Variants in GAB3 observed in about 807,000 individuals in gnomAD.
The protein encoded by GAB3 is GRB2-associated-binding protein 3.
A neutral mutation model predicts 40.4 loss-of-function variants in GAB3; 12 were observed. The ratio of observed to expected loss-of-function variants is 0.30; its 90% confidence interval spans 0.19 to 0.48. GAB3 has a LOEUF of 0.48. Among genes scored for constraint, GAB3 ranks in the 20% least tolerant of loss-of-function variants. The probability of loss-of-function intolerance (pLI) is 0.99; values close to 1 mark genes in which losing one functional copy is unlikely to be tolerated. For synonymous variants in GAB3, 154 were observed against 176.7 expected (o/e 0.87, Z 1.02); for missense variants, 381 against 461.9 (o/e 0.82, Z 1.61).
intron 4 of GAB3, among the ~76,000 whole-genome samples, chrX:154,707,081 T>C (rs1419589563): frequency 9.0e-6 from 1 of 111,719 alleles, no homozygotes; most frequent in African/African-American, 3.3e-5. Context: ...AATAAATCCA[T>C]ATTTTATGAC....
rs1405793974 is a variant in GAB3, at chrX:154,713,126, C to T, written c.596+81G>A. The T allele has an allele frequency of 1.6e-5, 13 of 795,957 alleles. No homozygotes were observed. In the Admixed American group the frequency reaches 2.3e-4, roughly 14 times the overall value. The allele number at this position is 795,957 out of a possible 1,213,427, so 65.6% of individuals were successfully genotyped here. A position where few individuals can be genotyped will look rare whatever the true frequency, so the allele number is the denominator to read the frequency against. On this transcript the variant is annotated intron_variant, in intron 3 of 9. Coordinates refer to ENST00000424127, the MANE Select transcript of GAB3 (RefSeq NM_001081573.3). ...AAGCACACTGAACACATCTCAGCTA[C>T]GGACTGCAAGAGGAGGCAGTGTGAC...
chrX:154,691,341 C>T (rs1451594094), intron 8 of GAB3, among the ~76,000 whole-genome samples: 4 of 106,543 alleles, frequency 3.8e-5, no homozygotes, highest in South Asian at 4.3e-4. Context: ...GTGGGTGCAG[C>T]GCACCAGCAT....
chrX:154,679,397 C>A (rs1297918189), intron 9 of GAB3: 1 of 234,354 alleles, frequency 4.3e-6, no homozygotes, highest in Non-Finnish European at 8.3e-6. Flanking sequence ...TGTTTGTCTA[C>A]CAAAACTGAC....
At chrX:154,678,780 A>G (rs4131998) in intron 9 of GAB3, among the ~76,000 whole-genome samples, 53,371 of 110,761 alleles carry the variant, frequency 0.48, 10,982 homozygotes, top group East Asian at 0.77. Context: ...CTTTCCTGCC[A>G]CCATGTGAAA....
intron 8 of GAB3, among the ~76,000 whole-genome samples, chrX:154,686,192 C>T (rs2070446499): frequency 9.0e-6 from 1 of 111,464 alleles, no homozygotes; most frequent in Non-Finnish European, 1.9e-5. Context: ...AAGATCAACA[C>T]CCATTAGGAA....
chrX:154,715,968 G>A (rs988574436), intron 2 of GAB3, 58 bp downstream of exon 2: 2 of 1,086,838 alleles, frequency 1.8e-6, no homozygotes, highest in African/African-American at 3.7e-5. Flanking sequence ...TTTTTCTGCA[G>A]TAACCCTCCA....
In GAB3 at chrX:154,716,339, G is replaced by A; in HGVS notation, c.73-10C>T. ...AGCGCTTGCGCCAGGCCTGCAGAAAGGCAATTCAATAAGGAGTTACTGGAC... is the reference window on the plus strand; with the variant it reads ...AGCGCTTGCGCCAGGCCTGCAGAAAAGCAATTCAATAAGGAGTTACTGGAC... On this transcript the variant is annotated splice_polypyrimidine_tract_variant and intron_variant, in intron 1 of 9. Transcript: ENST00000424127. 8.3e-7 allele frequency: 1 copy of A among 1,198,709 alleles called. No individual in the cohort carries two copies. Among genetic ancestry groups the A allele is most frequent in the Non-Finnish European group, 1.1e-6 (1 of 888,790 alleles).
chrX:154,680,270 G>A, intron 8 of GAB3, 22 bp from the exon 9 acceptor site: 1 of 1,106,227 alleles, frequency 9.0e-7, no homozygotes, highest in Non-Finnish European at 1.2e-6. Flanking sequence ...CATCACAGGA[G>A]TCAGGTTAAT....
At position 154,718,186 on chromosome X, in the gene GAB3, T is replaced by C. The variant is rs1208135761; in HGVS notation, c.73-1857A>G. Among the ~76,000 whole-genome samples, 4 of 109,752 alleles carry C rather than the reference T, an allele frequency of 3.6e-5. No individual in the cohort carries two copies. The East Asian group carries it at 1.1e-3, about 32-fold the overall frequency. On this transcript the variant is annotated intron_variant, in intron 1 of 9. Transcript: ENST00000424127. ...AGACACTATTTGGAGTATTCTCAGC[T>C]CCCTCCCTGCTCAGAGAACATGAAT...
At chrX:154,687,591 G>A (rs1190959075) in intron 8 of GAB3, among the ~76,000 whole-genome samples, 2 of 92,332 alleles carry the variant, frequency 2.2e-5, no homozygotes, top group Non-Finnish European at 4.1e-5. Context: ...CCGAGATGGC[G>A]CCACTGCACT....
At chrX:154,702,823 T>C (rs2070757166) in intron 4 of GAB3, among the ~76,000 whole-genome samples, 1 of 112,087 alleles carries the variant, frequency 8.9e-6, no homozygotes, top group Non-Finnish European at 1.9e-5. Context: ...AGGTGCTCAA[T>C]GTTACTGATC....
rs932079277 is a variant in GAB3, at chrX:154,715,406, G to A, written c.376+620C>T. Among the ~76,000 whole-genome samples the A allele has an allele frequency of 5.7e-4, 57 of 99,345 alleles. 1 individual carries two copies. The highest frequency in any genetic ancestry group is 1.2e-3 in the African/African-American group (27 of 21,829). The allele number at this position is 99,345 out of a possible 115,157, so 86.3% of individuals were successfully genotyped here. A position where few individuals can be genotyped will look rare whatever the true frequency, so the allele number is the denominator to read the frequency against. ...CATAGGATGAGTTGTGTGTGTGTGCGTGTGTGCGTGTGTGCGTGTGGCAGA... is the reference window on the plus strand; with the variant it reads ...CATAGGATGAGTTGTGTGTGTGTGCATGTGTGCGTGTGTGCGTGTGGCAGA... On this transcript the variant is annotated intron_variant, in intron 2 of 9. Coordinates refer to ENST00000424127, the MANE Select transcript of GAB3 (RefSeq NM_001081573.3).
At chrX:154,696,160 G>A in intron 7 of GAB3, 141 bp from the exon 8 acceptor site, 1 of 362,100 alleles carries the variant, frequency 2.8e-6, no homozygotes, top group African/African-American at 2.5e-5. Flanking sequence ...AATTCCTGAA[G>A]AGGCACAAAA....
At chrX:154,715,078 C>G (rs1184689382) in intron 2 of GAB3, among the ~76,000 whole-genome samples, 1 of 112,337 alleles carries the variant, frequency 8.9e-6, no homozygotes, top group Non-Finnish European at 1.9e-5. Flanking sequence ...AAAGCACACT[C>G]TTGTGCCTGT....
At chrX:154,749,569 C>T (rs2071580651) in intron 1 of GAB3, among the ~76,000 whole-genome samples, 2 of 112,477 alleles carry the variant, frequency 1.8e-5, no homozygotes, top group African/African-American at 6.5e-5. Context: ...GGACCCTGTG[C>T]TTATGGACTC....
chrX:154,715,422 G>A (rs1184847952), intron 2 of GAB3, among the ~76,000 whole-genome samples: 2 of 107,687 alleles, frequency 1.9e-5, no homozygotes, highest in African/African-American at 3.4e-5. Flanking sequence ...GCGTGTGTGC[G>A]TGTGGCAGAG....
intron 7 of GAB3, 83 bp downstream of exon 7, chrX:154,697,049 G>T: frequency 1.3e-6 from 1 of 788,843 alleles, no homozygotes; most frequent in Non-Finnish European, 1.9e-6. Flanking sequence ...AGATCAGATG[G>T]GCTTCAACTA....
rs181235029 is a variant in GAB3 at position 154,680,891 on chromosome X, C to A, written c.1531-643G>T. Among the ~76,000 whole-genome samples the A allele has an allele frequency of 3.6e-5, 4 of 112,300 alleles. No homozygotes were observed. The East Asian group carries it at 1.1e-3, about 31-fold the overall frequency. On this transcript the variant is annotated intron_variant, in intron 8 of 9. Coordinates refer to ENST00000424127, the MANE Select transcript of GAB3 (RefSeq NM_001081573.3). ...AGAATCACATTGTATGCATTTTGGG[C>A]GGCTTCAGTTTTGTGTTCAATATTA...
rs2070325113 is a variant in GAB3 at position 154,678,242 on chromosome X, T to C, written c.1700A>G (p.Gln567Arg). 1.7e-6 allele frequency: 2 copies of C among 1,201,551 alleles called. No homozygotes were observed. The highest frequency in any genetic ancestry group is 2.3e-6 in the Non-Finnish European group (2 of 888,258). Residue 567 changes from glutamine to arginine, a missense_variant, in exon 10 of 10, where the codon CAG becomes CGG. Gln to Arg is a conservative substitution (Grantham distance 43). This residue lies in a region of GAB3 where 17 missense variants were observed against 40.9 expected (regional missense o/e 0.42). Transcript: ENST00000424127. ...TGTGCTCTGGAGAGCCTGTGTCTTC[T>C]GCTCATCCACTTGGACATAGTCTAC... ...QRVDYVQVDEQKTQALQSTKQ... is the reference protein window; with the variant it reads ...QRVDYVQVDERKTQALQSTKQ...
Sources: gnomAD v4.1 joint callset for allele counts (sites outside exome capture counted in the v4.1 genomes callset) on GRCh38, gnomAD v4.1.1 for gene constraint, gnomAD v4.1.1 regional missense constraint, MANE v1.5 for transcripts, NCBI Gene and HGNC (gene_info 2026-07-23, HGNC 2026-07-21) for gene names.